The following RYR1 variants were observed in gnomAD, a reference collection of about 807,000 sequenced individuals.
RYR1 encodes ryanodine receptor 1.
Under a neutral mutation model 583.5 loss-of-function variants are expected in RYR1, and 342 were observed. The ratio of observed to expected loss-of-function variants is 0.59; its 90% CI spans 0.54 to 0.64. The LOEUF is 0.64. RYR1 is among the 30% of genes least tolerant of loss of function. RYR1 has a pLI of 0.00. For missense variants in RYR1, 6,032 were observed against 6,917.2 expected (o/e 0.87, Z 4.54); for synonymous variants, 2,791 against 2,822.5 (o/e 0.99, Z 0.35).
chr19:38,491,473 A>T (rs1477334888), intron 37 of RYR1, among the ~76,000 whole-genome samples: 3 of 144,606 alleles, frequency 2.1e-5, no homozygotes, highest in Non-Finnish European at 3.0e-5. Flanking sequence ...TCTGTCACCC[A>T]GCAGGAGTGC....
At position 38,473,585 on chromosome 19, in the gene RYR1, C is replaced by T; in HGVS notation, c.3974C>T (p.Ala1325Val). 5 of 1,587,230 alleles carry T rather than the reference C, an allele frequency of 3.2e-6. No individual in the cohort carries two copies. Among genetic ancestry groups the T allele is most frequent in the African/African-American group, 1.3e-5 (1 of 74,510 alleles). Residue 1325 changes from alanine (A) to valine (V), a missense_variant, in exon 28 of 106, where the codon GCG becomes GTG. Around this residue, in one of 11 missense-constraint regions of RYR1, gnomAD observed 2,627 missense variants for 2,961.3 expected, o/e 0.89. Transcript: ENST00000359596. ...QPPAEDEARA[A>V]EPDPDYENLR... ...CCCGCCGAGGACGAGGCCCGGGCGG[C>T]GGAACCCGACCCTGACTACGAAAAC...
At chr19:38,442,481 G>C (rs1333112873) in intron 3 of RYR1, 28 bp downstream of exon 3, 1 of 1,564,568 alleles carries the variant, frequency 6.4e-7, no homozygotes, top group Non-Finnish European at 8.8e-7. Context: ...GGGTGGGCGG[G>C]GTGGCAGAGA....
chr19:38,461,294 A>G (rs1326382687), intron 20 of RYR1, among the ~76,000 whole-genome samples: 2 of 152,152 alleles, frequency 1.3e-5, no homozygotes, highest in African/African-American at 4.8e-5. Flanking sequence ...AATATTTACA[A>G]ATTTAGACAA....
chr19:38,580,648 C>A, intron 101 of RYR1, 144 bp downstream of exon 101: 1 of 1,056,308 alleles, frequency 9.5e-7, no homozygotes, highest in Non-Finnish European at 1.4e-6. Flanking sequence ...TTACTTGAGT[C>A]CAGGAGTTGG....
chr19:38,507,827 GGTAC>G lies in RYR1; in HGVS notation c.8932+2_8932+5del, dbSNP rs1970546793. On this transcript the variant is annotated splice_donor_variant and splice_donor_region_variant and intron_variant, in intron 58 of 105. Transcript: ENST00000359596. LOFTEE classifies it high-confidence loss of function. The stretch of plus-strand genomic sequence containing the variant: ...TTCTCAGGAGTTCATTGCCCACCTG[GGTAC>G]GGAGAAATACCCCCCGCTTATGCCC... 1 of 1,603,714 alleles carries G rather than the reference GGTAC, an allele frequency of 6.2e-7. No individual in the cohort carries two copies. The highest frequency in any genetic ancestry group is 1.4e-5 in the African/African-American group (1 of 73,394).
chr19:38,474,855 A>G (rs73540991), intron 28 of RYR1, among the ~76,000 whole-genome samples: 47 of 151,872 alleles, frequency 3.1e-4, no homozygotes, highest in African/African-American at 1.1e-3. Context: ...TTGAAAACCC[A>G]TTGTGTCTCT....
At chr19:38,580,572 C>G (rs1974158200) in intron 101 of RYR1, 68 bp downstream of exon 101, 5 of 1,592,354 alleles carry the variant, frequency 3.1e-6, no homozygotes, top group Non-Finnish European at 4.3e-6. Flanking sequence ...AATAATGGTA[C>G]CTCCAGGCCG....
chr19:38,470,429 T>C (rs1240852645), intron 27 of RYR1, among the ~76,000 whole-genome samples: 1 of 128,616 alleles, frequency 7.8e-6, no homozygotes, highest in Non-Finnish European at 1.6e-5. Context: ...GAGAGGACCC[T>C]GTCTCATTGA....
At chr19:38,556,583 T>C (rs948240422) in intron 89 of RYR1, among the ~76,000 whole-genome samples, 1 of 151,952 alleles carries the variant, frequency 6.6e-6, no homozygotes, top group African/African-American at 2.4e-5. Flanking sequence ...AGAGATGGGG[T>C]CTTGCCATGT....
In RYR1 at chr19:38,448,768, T is replaced by G. The variant is rs10406027; in HGVS notation, c.1077T>G (p.Ala359=). 6.8e-6 allele frequency: 11 copies of G among 1,614,040 alleles called. 1 individual carries two copies. The South Asian group carries it at 1.1e-4, about 16-fold the overall frequency. The stretch of plus-strand genomic sequence containing the variant: ...CCTCAGGACTGTGGCTCACCTATGC[T>G]GCTCCAGACCCCAAGGCCCTGCGGC... The part of the protein sequence containing the change: ...HVASGLWLTY[A]APDPKALRLG... The change falls in exon 11 of 106, where the codon GCT becomes GCG. Residue 359 remains alanine (A), a synonymous_variant. Transcript: ENST00000359596.
Position 38,565,661 on chromosome 19 carries a change from G to C in RYR1, c.13327G>C (p.Gly4443Arg). Reference protein sequence around the residue: ...GADGAVAVTDGGPFRPEGAGG... With the variant: ...GADGAVAVTDRGPFRPEGAGG... ...CGACGGGGCGGTGGCCGTGACCGATGGGGGCCCCTTCCGGCCCGAAGGGGC... is the reference window on the plus strand; with the variant it reads ...CGACGGGGCGGTGGCCGTGACCGATCGGGGCCCCTTCCGGCCCGAAGGGGC... Residue 4443 changes from glycine (G) to arginine (R), a missense_variant, in exon 91 of 106, where the codon GGG (glycine) becomes CGG (arginine). Gly to Arg is a moderately radical substitution (Grantham distance 125, BLOSUM62 -2). Around this residue, in one of 11 missense-constraint regions of RYR1, gnomAD observed 753 missense variants for 759.6 expected, o/e 0.99. Transcript: ENST00000359596. The surrounding 1 kb of genome is among the most constrained non-coding windows in gnomAD (Gnocchi z 4.7). The C allele has an allele frequency of 1.4e-6, 2 of 1,391,642 alleles. No homozygotes were observed. Among genetic ancestry groups the C allele is most frequent in the Non-Finnish European group, 1.8e-6 (2 of 1,083,764 alleles). 86.2% of individuals were successfully genotyped at this position (1,391,642 alleles called of 1,614,324 possible).
At position 38,451,901 on chromosome 19, in the gene RYR1, T is replaced by C. The variant is rs956142081; in HGVS notation, c.1244+16T>C. The C allele has an allele frequency of 1.3e-5, 21 of 1,613,874 alleles. No individual in the cohort carries two copies. The highest frequency in any genetic ancestry group is 4.0e-5 in the African/African-American group (3 of 74,890). On this transcript the variant is annotated intron_variant, in intron 12 of 105. Transcript: ENST00000359596. ...AGTTCATCAAGTGAGCAACCTGCCC[T>C]CCCTGCTGGGGTGACTCCTGTGCTG...
chr19:38,554,986 C>T (rs1185082490), intron 89 of RYR1, among the ~76,000 whole-genome samples: 1 of 152,094 alleles, frequency 6.6e-6, no homozygotes, highest in African/African-American at 2.4e-5. Context: ...AATTATGAAG[C>T]CATCCCTGCA....
chr19:38,535,133 C>T lies in RYR1; in HGVS notation c.11360-8C>T. The T allele has an allele frequency of 3.1e-6, 5 of 1,613,124 alleles. No individual in the cohort carries two copies. Among genetic ancestry groups the T allele is most frequent in the Non-Finnish European group, 4.2e-6 (5 of 1,179,936 alleles). ...GGTGGACCATCTTTTTTCTCCCACT[C>T]CCTCCAGGAGAGACAGGTGCCATGG... On this transcript the variant is annotated splice_region_variant and splice_polypyrimidine_tract_variant and intron_variant, in intron 79 of 105. Transcript: ENST00000359596.
At chr19:38,507,896 C>G in intron 58 of RYR1, 69 bp downstream of exon 58, 1 of 908,020 alleles carries the variant, frequency 1.1e-6, no homozygotes, top group Non-Finnish European at 1.9e-6. Flanking sequence ...CCAGACTCAC[C>G]TAGGACACCT....
At chr19:38,448,266 T>C in intron 9 of RYR1, 89 bp from the exon 10 acceptor site, 1 of 1,437,444 alleles carries the variant, frequency 7.0e-7, no homozygotes, top group Non-Finnish European at 9.5e-7. Flanking sequence ...ACCTGGTTTC[T>C]GTAAAAAAAA....
rs1356881459 is a variant in RYR1, at chr19:38,512,868, GGGGAGGCTGACAA to G, written c.9472+392_9472+404del. ...GCACATGCCTGTAATCCCAGCTACT[GGGGAGGCTGACAA>G]GGGAGGATCACTTGAGTCCAAGAGT... On this transcript the variant is annotated intron_variant, in intron 63 of 105. Coordinates refer to ENST00000359596, the MANE Select transcript of RYR1 (RefSeq NM_000540.3). This position sits in a 1 kb window ranked among gnomAD's most constrained non-coding sequence, Gnocchi z 5.1. Among the ~76,000 whole-genome samples the G allele has an allele frequency of 1.3e-5, 2 of 151,934 alleles. No homozygotes were observed. Among genetic ancestry groups the G allele is most frequent in the Non-Finnish European group, 2.9e-5 (2 of 67,982 alleles).
In RYR1 at chr19:38,494,367, T is replaced by C; in HGVS notation, c.6290T>C (p.Leu2097Pro). 6.2e-7 allele frequency: 1 copy of C among 1,611,560 alleles called. No homozygotes were observed. Among genetic ancestry groups the C allele is most frequent in the South Asian group, 1.1e-5 (1 of 90,994 alleles). Residue 2097 changes from leucine (L) to proline (P), a missense_variant, in exon 39 of 106, where the codon CTG becomes CCG. By Grantham distance (98) the Leu-to-Pro change is moderately conservative. Around this residue, in one of 11 missense-constraint regions of RYR1, gnomAD observed 2,627 missense variants for 2,961.3 expected, o/e 0.89. Coordinates refer to ENST00000359596, the MANE Select transcript of RYR1 (RefSeq NM_000540.3). ...TCCTTCCCAGGGTCCCTGCAGGAGC[T>C]GGTGTCCCACATGGTGGTGCGCTGG... is the stretch of plus-strand genomic sequence containing the variant. ...EESKPRSLQE[L>P]VSHMVVRWAQ...
At chr19:38,486,337 C>T in intron 34 of RYR1, 135 bp downstream of exon 34, 1 of 1,129,726 alleles carries the variant, frequency 8.9e-7, no homozygotes, top group African/African-American at 1.6e-5. Flanking sequence ...ATCCATCCAC[C>T]TTTCTTTTTA....
Sources: gnomAD v4.1 joint callset for allele counts (sites outside exome capture counted in the v4.1 genomes callset) on GRCh38, gnomAD v4.1.1 for gene constraint, gnomAD v4.1.1 regional missense constraint, Gnocchi (gnomAD v3.1) non-coding constraint, MANE v1.5 for transcripts, NCBI Gene and HGNC (gene_info 2026-07-23, HGNC 2026-07-21) for gene names.